DGKG: variants seen among roughly 807,000 people sequenced by gnomAD.
DGKG encodes the protein DAG kinase gamma.
In DGKG, 78 loss-of-function variants were observed where a neutral mutation model predicts 105.3. The observed-to-expected ratio is 0.74, with a 90% CI of 0.62 to 0.89. The LOEUF (loss-of-function observed/expected upper bound fraction) is 0.89. Ranked by LOEUF, DGKG falls within the 40% of genes least tolerant of loss-of-function variation. DGKG has a pLI of 0.00. For missense variants in DGKG, 958 were observed against 1,020.1 expected, an observed-to-expected ratio of 0.94 and a Z score of 0.83; for synonymous variants, 346 against 367.1, an observed-to-expected ratio of 0.94 and a Z score of 0.66.
chr3:186,167,764 CT>C (rs1406194047), intron 22 of DGKG, among the ~76,000 whole-genome samples: 3 of 32,376 alleles, frequency 9.3e-5, no homozygotes, highest in Non-Finnish European at 2.1e-4. Flanking sequence ...CAGGAATTCA[CT>C]CACTCACTCA....
intron 14 of DGKG, among the ~76,000 whole-genome samples, chr3:186,264,395 C>T (rs1721941729): frequency 1.3e-5 from 2 of 152,168 alleles, no homozygotes; most frequent in South Asian, 4.1e-4. Flanking sequence ...TCCCGAGTAG[C>T]TGGGATTACA....
intron 21 of DGKG, among the ~76,000 whole-genome samples, chr3:186,208,129 C>T (rs562987955): frequency 8.0e-4 from 121 of 152,164 alleles, no homozygotes; most frequent in African/African-American, 2.8e-3. Flanking sequence ...GCAACCTCTG[C>T]CTCCCAGGCT....
intron 22 of DGKG, among the ~76,000 whole-genome samples, chr3:186,183,924 G>C (rs1486527618): frequency 1.3e-5 from 2 of 152,052 alleles, no homozygotes; most frequent in African/African-American, 2.4e-5. Flanking sequence ...GGCTGGTCTC[G>C]AACTCCCAAC....
chr3:186,195,400 A>AT (rs555701417), intron 21 of DGKG, among the ~76,000 whole-genome samples: 14 of 152,148 alleles, frequency 9.2e-5, no homozygotes, highest in South Asian at 6.2e-4. Flanking sequence ...TGATAGTATC[A>AT]TTTTTTTAAA....
At chr3:186,297,062 T>TACACACACACACACACACACACA (rs1560139860) in intron 5 of DGKG, among the ~76,000 whole-genome samples, 1 of 26,784 alleles carries the variant, frequency 3.7e-5, no homozygotes, top group African/African-American at 7.8e-5. Context: ...TGTCTGTCTG[T>TACACACACACACACACACACACA]CTCTCTCACA....
intron 5 of DGKG, among the ~76,000 whole-genome samples, chr3:186,289,179 C>T (rs1424835199): frequency 6.6e-6 from 1 of 152,148 alleles, no homozygotes; most frequent in Admixed American, 6.6e-5. Flanking sequence ...CAATAATCAA[C>T]AGGTAAATGT....
Position 186,284,521 on chromosome 3 carries a change from T to A in DGKG, c.594+139A>T. 15 of 764,634 alleles carry A rather than the reference T, an allele frequency of 2.0e-5. No individual in the cohort carries two copies. The South Asian group carries it at 2.4e-4, about 12-fold the overall frequency. 47.4% of individuals were successfully genotyped at this position (764,634 alleles called of 1,614,324 possible). A position where few individuals can be genotyped will look rare whatever the true frequency, so the allele number is the denominator to read the frequency against. On this transcript the variant is annotated intron_variant, in intron 7 of 24. Transcript: ENST00000265022. This position sits in a 1 kb window ranked among gnomAD's most constrained non-coding sequence, Gnocchi z 4.0. ...GAAATAGCGGGTGGAGAGGTCCTAG[T>A]CGGATTTCCTCAGCCTGCATCGAGA...
intron 2 of DGKG, among the ~76,000 whole-genome samples, chr3:186,319,366 G>A (rs1053567920): frequency 6.6e-6 from 1 of 152,190 alleles, no homozygotes; most frequent in African/African-American, 2.4e-5. Context: ...ACAGCATAGA[G>A]AGCAAGAGGC....
intron 19 of DGKG, 79 bp from the exon 20 acceptor site, chr3:186,242,647 C>A: frequency 7.9e-7 from 1 of 1,268,512 alleles, no homozygotes; most frequent in Non-Finnish European, 1.1e-6. Flanking sequence ...CGCACGCATG[C>A]ACTCGCTGAG....
intron 12 of DGKG, 113 bp downstream of exon 12, chr3:186,268,688 C>T: frequency 1.4e-6 from 1 of 724,924 alleles, no homozygotes; most frequent in Non-Finnish European, 2.4e-6. Context: ...TCCTCCTAGC[C>T]TCGCTCCCCT....
rs143001550 is a variant in DGKG at position 186,344,462 on chromosome 3, C to G, written c.-249+17484G>C. Among the ~76,000 whole-genome samples the G allele has an allele frequency of 4.1e-3, 619 of 152,278 alleles. 5 individuals are homozygous for G. The highest frequency in any genetic ancestry group is 0.01 in the African/African-American group (425 of 41,536). ...ATGGATGCAGGAACATGGATGGATA[C>G]TTAGCAAAGTAACGCAGGAACAGAA... On this transcript the variant is annotated intron_variant, in intron 1 of 24. Coordinates refer to ENST00000265022, the MANE Select transcript of DGKG (RefSeq NM_001346.3).
At chr3:186,317,567 TC>T (rs1310891334) in intron 2 of DGKG, among the ~76,000 whole-genome samples, 1 of 152,152 alleles carries the variant, frequency 6.6e-6, no homozygotes, top group Non-Finnish European at 1.5e-5. Flanking sequence ...TGCTTGCAGT[TC>T]TTGGAAGCTC....
intron 20 of DGKG, among the ~76,000 whole-genome samples, chr3:186,213,208 T>C (rs1210673768): frequency 6.6e-6 from 1 of 152,220 alleles, no homozygotes; most frequent in African/African-American, 2.4e-5. Flanking sequence ...TTATGCCTCA[T>C]GAACAAAATT....
At position 186,252,668 on chromosome 3, in the gene DGKG, C is replaced by A. The variant is rs537838381; in HGVS notation, c.1600+425G>T. 3.9e-5 allele frequency among the ~76,000 whole-genome samples: 6 copies of A among 152,266 alleles called. No individual in the cohort carries two copies. The East Asian group carries it at 9.7e-4, about 25-fold the overall frequency. ...TAACTGGAGATGTAGCATTTTGGTC[C>A]TCAGTTTTAGTCCTAATTCAGAAGA... On this transcript the variant is annotated intron_variant, in intron 18 of 24. Coordinates refer to ENST00000265022, the MANE Select transcript of DGKG (RefSeq NM_001346.3).
intron 1 of DGKG, among the ~76,000 whole-genome samples, chr3:186,344,811 G>A (rs931195513): frequency 6.6e-6 from 1 of 152,062 alleles, no homozygotes; most frequent in Non-Finnish European, 1.5e-5. Context: ...TACTATTTTT[G>A]CTTTGAGGAA....
intron 1 of DGKG, among the ~76,000 whole-genome samples, chr3:186,335,027 C>G (rs1438024674): frequency 6.6e-6 from 1 of 152,140 alleles, no homozygotes; most frequent in Non-Finnish European, 1.5e-5. Flanking sequence ...AAAGGAAGAA[C>G]AAATTAATTT....
intron 20 of DGKG, among the ~76,000 whole-genome samples, chr3:186,230,131 G>A (rs748210852): frequency 2.6e-5 from 4 of 152,110 alleles, no homozygotes; most frequent in South Asian, 2.1e-4. Context: ...GGTGGCGGGC[G>A]CCTGTAGTCC....
At chr3:186,317,518 G>A (rs988656226) in intron 2 of DGKG, among the ~76,000 whole-genome samples, 4 of 152,116 alleles carry the variant, frequency 2.6e-5, no homozygotes, top group Non-Finnish European at 5.9e-5. Context: ...CACTCCTGAT[G>A]CCACCACCAA....
At chr3:186,161,450 G>A (rs1238045235) in intron 24 of DGKG, 153 bp downstream of exon 24, 1 of 1,455,206 alleles carries the variant, frequency 6.9e-7, no homozygotes, top group African/African-American at 1.4e-5. Context: ...AGGTAAATGA[G>A]TGGATGGATA....
Sources: gnomAD v4.1 joint callset for allele counts (sites outside exome capture counted in the v4.1 genomes callset) on GRCh38, gnomAD v4.1.1 for gene constraint, Gnocchi (gnomAD v3.1) non-coding constraint, MANE v1.5 for transcripts, NCBI Gene and HGNC (gene_info 2026-07-23, HGNC 2026-07-21) for gene names.